The following NOL4L variants were observed in gnomAD, a reference collection of about 807,000 sequenced individuals.
NOL4L encodes the protein nucleolar protein 4 like, also known as nucleolar protein 4-like.
NOL4L carries 7 observed loss-of-function variants against 64.5 expected under a neutral mutation model. The observed-to-expected ratio is 0.11, with a 90% CI of 0.06 to 0.20. The LOEUF (loss-of-function observed/expected upper bound fraction) is 0.20. Ranked by LOEUF, NOL4L falls within the 10% of genes least tolerant of loss-of-function variation. The pLI, the probability that NOL4L is intolerant of heterozygous loss-of-function variation, is 1.00. For synonymous variants in NOL4L, 413 were observed against 401.0 expected (o/e 1.03, Z -0.36); for missense variants, 680 against 967.1 (o/e 0.70, Z 3.94).
chr20:32,579,355 C>T (rs568111885), intron 1 of NOL4L, among the ~76,000 whole-genome samples: 5 of 152,258 alleles, frequency 3.3e-5, no homozygotes, highest in East Asian at 1.9e-4. Context: ...CACGCACATG[C>T]GTGTTCTAGC....
chr20:32,556,702 C>CT (rs1394176641), intron 1 of NOL4L, among the ~76,000 whole-genome samples: 2 of 152,214 alleles, frequency 1.3e-5, no homozygotes, highest in African/African-American at 4.8e-5. Flanking sequence ...CCAGGGGAAA[C>CT]TGCTCTACCT....
At chr20:32,573,268 C>T (rs1254523089) in intron 1 of NOL4L, among the ~76,000 whole-genome samples, 35 of 152,144 alleles carry the variant, frequency 2.3e-4, no homozygotes, top group Admixed American at 2.3e-3. Context: ...CCTCACACTT[C>T]GGCCTCCCAA....
chr20:32,447,522 G>C lies in NOL4L; in HGVS notation c.*74C>G. 1 of 1,509,276 alleles carries C rather than the reference G, an allele frequency of 6.6e-7. No homozygotes were observed. Among genetic ancestry groups the C allele is most frequent in the Non-Finnish European group, 8.8e-7 (1 of 1,138,762 alleles). 93.5% of individuals were successfully genotyped at this position (1,509,276 alleles called of 1,614,324 possible). On this transcript the variant is annotated 3_prime_UTR_variant, in exon 11 of 11. Transcript: ENST00000621426. ...CTTTCAAAAACAAAATGTACCAACT[G>C]GTGAGGCAGGAAGCCAGGTCCAGGC...
chr20:32,537,150 C>CCAAGCCTGCCAAGCCTGAT, intron 1 of NOL4L: 2 of 981,194 alleles, frequency 2.0e-6, no homozygotes, highest in Non-Finnish European at 2.4e-6. Context: ...CCGCTATGTG[C>CCAAGCCTGCCAAGCCTGAT]CAGGCGCCGT....
chr20:32,488,359 G>A (rs2016186003), intron 4 of NOL4L, among the ~76,000 whole-genome samples: 2 of 152,302 alleles, frequency 1.3e-5, no homozygotes, highest in South Asian at 2.1e-4. Flanking sequence ...AACCAATGGT[G>A]CATTGTGGAA....
At chr20:32,558,871 C>A (rs1299161348) in intron 1 of NOL4L, among the ~76,000 whole-genome samples, 1 of 152,188 alleles carries the variant, frequency 6.6e-6, no homozygotes, top group East Asian at 1.9e-4. Flanking sequence ...AGGGAGCCAG[C>A]AGGCCAAAGC....
At chr20:32,555,157 T>C (rs1435023255) in intron 1 of NOL4L, among the ~76,000 whole-genome samples, 1 of 152,104 alleles carries the variant, frequency 6.6e-6, no homozygotes, top group Admixed American at 6.5e-5. Context: ...GAAACACCCT[T>C]TCTTTCCTGG....
At chr20:32,493,872 T>C (rs2016563316) in intron 4 of NOL4L, among the ~76,000 whole-genome samples, 1 of 152,070 alleles carries the variant, frequency 6.6e-6, no homozygotes, top group Non-Finnish European at 1.5e-5. Flanking sequence ...TCTTTTTCCT[T>C]TCTCTTTCCC....
At chr20:32,539,911 C>A (rs1467834665) in intron 1 of NOL4L, among the ~76,000 whole-genome samples, 2 of 152,188 alleles carry the variant, frequency 1.3e-5, no homozygotes, top group Non-Finnish European at 2.9e-5. Flanking sequence ...CTCTGTTTAA[C>A]CCCAGATAAC....
chr20:32,477,402 G>T (rs1357933365), intron 4 of NOL4L, among the ~76,000 whole-genome samples: 1 of 152,210 alleles, frequency 6.6e-6, no homozygotes, highest in African/African-American at 2.4e-5. Flanking sequence ...CCCTCGCCTA[G>T]AACCCACACT....
chr20:32,465,032 G>C, intron 5 of NOL4L: 1 of 636,338 alleles, frequency 1.6e-6, no homozygotes, highest in South Asian at 1.8e-5. Flanking sequence ...TCTCTGCAGA[G>C]ACCCTGGGGT....
At chr20:32,540,067 G>C (rs1345666097) in intron 1 of NOL4L, among the ~76,000 whole-genome samples, 2 of 152,326 alleles carry the variant, frequency 1.3e-5, no homozygotes, top group Admixed American at 1.3e-4. Context: ...AGCTTGCCTC[G>C]GGTGTGAACA....
intron 2 of NOL4L, among the ~76,000 whole-genome samples, chr20:32,527,030 CT>C (rs912172253): frequency 2.6e-5 from 4 of 152,156 alleles, no homozygotes; most frequent in African/African-American, 4.8e-5. Context: ...CCTAGGTTGC[CT>C]TTTTTGCCCT....
At chr20:32,448,142 CTTCCATTGAGGAACTG>C (rs896850940) in intron 10 of NOL4L, among the ~76,000 whole-genome samples, 2 of 152,216 alleles carry the variant, frequency 1.3e-5, no homozygotes, top group African/African-American at 4.8e-5. Flanking sequence ...GGAAATACTA[CTTCCATTGAGGAACTG>C]TGGGACAAGT....
At chr20:32,545,464 G>A (rs907134905) in intron 1 of NOL4L, among the ~76,000 whole-genome samples, 3 of 152,156 alleles carry the variant, frequency 2.0e-5, no homozygotes, top group Non-Finnish European at 2.9e-5. Flanking sequence ...CCGGACAGCC[G>A]ACTGGACTGA....
intron 1 of NOL4L, among the ~76,000 whole-genome samples, chr20:32,546,502 G>A (rs2018735712): frequency 6.6e-6 from 1 of 152,150 alleles, no homozygotes; most frequent in South Asian, 2.1e-4. Context: ...GAATGCAATG[G>A]CATGATCTCA....
intron 4 of NOL4L, among the ~76,000 whole-genome samples, chr20:32,501,934 A>G (rs1168526748): frequency 6.6e-6 from 1 of 152,248 alleles, no homozygotes; most frequent in African/African-American, 2.4e-5. Context: ...ATCATAGCAT[A>G]TGTTAATTGG....
intron 4 of NOL4L, among the ~76,000 whole-genome samples, chr20:32,504,473 T>C (rs2017054463): frequency 6.7e-6 from 1 of 150,040 alleles, no homozygotes; most frequent in African/African-American, 2.5e-5. Context: ...GGCAGGAGAA[T>C]GGTGTGTACC....
intron 6 of NOL4L, among the ~76,000 whole-genome samples, chr20:32,455,031 GC>G (rs2013345517): frequency 6.6e-6 from 1 of 152,202 alleles, no homozygotes; most frequent in African/African-American, 2.4e-5. Context: ...GATGCCGAGG[GC>G]CCCCGCTGGC....
Sources: allele counts gnomAD v4.1 joint callset (sites outside exome capture counted in the v4.1 genomes callset), GRCh38; gene constraint gnomAD v4.1.1; transcripts MANE v1.5; gene names NCBI Gene and HGNC (gene_info 2026-07-23, HGNC 2026-07-21).